C12orf54: variants seen among roughly 807,000 people sequenced by gnomAD.
C12orf54 encodes uncharacterized protein C12orf54.
A neutral mutation model predicts 26.4 loss-of-function variants in C12orf54; 24 were observed. The observed-to-expected ratio is 0.91, with a 90% CI of 0.66 to 1.28. C12orf54 has a LOEUF of 1.28. Among genes scored for constraint, C12orf54 ranks in the 50% most tolerant of loss-of-function variants. The probability of loss-of-function intolerance (pLI) is 0.00; values close to 1 mark genes in which losing one functional copy is unlikely to be tolerated. For synonymous variants in C12orf54, 54 were observed against 47.0 expected (o/e 1.15, Z -0.61); for missense variants, 154 against 150.9 (o/e 1.02, Z -0.11).
the C12orf54 span, among the ~76,000 whole-genome samples, chr12:48,453,751 A>T: frequency 2.6e-5 from 4 of 151,220 alleles, no homozygotes; most frequent in Middle Eastern, 6.8e-3. Flanking sequence ...TGCCTGTATC[A>T]AACACACACA....
At chr12:48,490,165 C>G (rs771134058) in intron 5 of C12orf54, among the ~76,000 whole-genome samples, 3 of 152,168 alleles carry the variant, frequency 2.0e-5, no homozygotes, top group Non-Finnish European at 1.5e-5. Context: ...GATGTGAGGC[C>G]TTGGTATGAA....
chr12:48,477,858 A>G (rs1248641494), upstream of C12orf54, among the ~76,000 whole-genome samples: 2 of 152,212 alleles, frequency 1.3e-5, no homozygotes, highest in African/African-American at 4.8e-5. Context: ...AACTATTCCA[A>G]TCAATAGAAA....
the C12orf54 span, among the ~76,000 whole-genome samples, chr12:48,476,313 C>T: frequency 6.6e-6 from 1 of 151,846 alleles, no homozygotes; most frequent in Non-Finnish European, 1.5e-5. Context: ...AAAGACCATC[C>T]AGGCTAGGAA....
the C12orf54 span, among the ~76,000 whole-genome samples, chr12:48,431,457 T>G: frequency 6.6e-6 from 1 of 152,200 alleles, no homozygotes; most frequent in African/African-American, 2.4e-5. Flanking sequence ...ATTTAAAAAT[T>G]ATAAGAGAAT....
At chr12:48,489,760 C>A (rs1444414279) in intron 5 of C12orf54, among the ~76,000 whole-genome samples, 4 of 147,616 alleles carry the variant, frequency 2.7e-5, no homozygotes, top group African/African-American at 1.0e-4. Flanking sequence ...CTTGTTCTGT[C>A]ACCCAGGCTA....
chr12:48,488,139 C>T (rs1393995700), intron 4 of C12orf54: 4 of 780,704 alleles, frequency 5.1e-6, no homozygotes, highest in Non-Finnish European at 7.1e-6. Context: ...TGCCTGGAGA[C>T]ATTTCTACTG....
At chr12:48,489,011 C>T (rs1392006542) in intron 5 of C12orf54, 55 bp downstream of exon 5, 1 of 1,551,144 alleles carries the variant, frequency 6.4e-7, no homozygotes, top group Admixed American at 1.7e-5. Context: ...TGCCTTGATC[C>T]CATTTTTTTT....
the C12orf54 span, among the ~76,000 whole-genome samples, chr12:48,413,215 T>A: frequency 6.6e-6 from 1 of 152,394 alleles, no homozygotes; most frequent in South Asian, 2.1e-4. Flanking sequence ...ATAAGGAATA[T>A]GCACCTCTTT....
At chr12:48,488,840 T>C (rs1592201882) in intron 4 of C12orf54, 84 bp from the exon 5 acceptor site, 1 of 1,187,514 alleles carries the variant, frequency 8.4e-7, no homozygotes, top group African/African-American at 1.5e-5. Flanking sequence ...GGAGACTAGG[T>C]AACTTAATTT....
At chr12:48,440,044 G>T in the C12orf54 span, among the ~76,000 whole-genome samples, 1 of 152,090 alleles carries the variant, frequency 6.6e-6, no homozygotes, top group East Asian at 1.9e-4. Flanking sequence ...GGCCAACATG[G>T]CGAAACCCTG....
the C12orf54 span, among the ~76,000 whole-genome samples, chr12:48,425,108 G>T: frequency 2.6e-5 from 4 of 152,084 alleles, no homozygotes; most frequent in South Asian, 6.2e-4. Flanking sequence ...AGGTTCAGGG[G>T]TACATGTGCA....
chr12:48,473,785 G>A, the C12orf54 span, among the ~76,000 whole-genome samples: 2 of 152,150 alleles, frequency 1.3e-5, no homozygotes, highest in Non-Finnish European at 2.9e-5. Flanking sequence ...GAAGTCCGCG[G>A]CTGGTCTCAG....
intron 8 of C12orf54, 77 bp downstream of exon 8, chr12:48,495,056 C>T (rs372646829): frequency 3.6e-6 from 4 of 1,126,138 alleles, no homozygotes; most frequent in Non-Finnish European, 5.1e-6. Flanking sequence ...GCCTCTTAGG[C>T]CCTCATCCCA....
chr12:48,422,898 T>C, the C12orf54 span, among the ~76,000 whole-genome samples: 1 of 152,144 alleles, frequency 6.6e-6, no homozygotes, highest in Non-Finnish European at 1.5e-5. Context: ...AGTTAAAGCA[T>C]TCTGGGAAGA....
chr12:48,483,572 G>T, intron 2 of C12orf54: 2 of 510,636 alleles, frequency 3.9e-6, no homozygotes, highest in Non-Finnish European at 7.0e-6. Flanking sequence ...TAGAAATCAG[G>T]CATCAATTGC....
the C12orf54 span, among the ~76,000 whole-genome samples, chr12:48,415,126 C>T: frequency 6.6e-6 from 1 of 152,214 alleles, no homozygotes; most frequent in Non-Finnish European, 1.5e-5. Flanking sequence ...GTTTGTTTGC[C>T]TCCATCCTAG....
chr12:48,417,938 T>C, the C12orf54 span, among the ~76,000 whole-genome samples: 1 of 152,252 alleles, frequency 6.6e-6, no homozygotes, highest in Non-Finnish European at 1.5e-5. Context: ...GGCTGCACAG[T>C]ATTCCATGGT....
chr12:48,447,112 A>T, the C12orf54 span, among the ~76,000 whole-genome samples: 1 of 152,196 alleles, frequency 6.6e-6, no homozygotes, highest in Non-Finnish European at 1.5e-5. Flanking sequence ...TAATTTGAAG[A>T]TATCACTACA....
chr12:48,437,997 G>A, the C12orf54 span, among the ~76,000 whole-genome samples: 3 of 152,196 alleles, frequency 2.0e-5, no homozygotes, highest in African/African-American at 7.2e-5. Flanking sequence ...TGTATACCTA[G>A]AAAACCCCAT....
Sources: gnomAD v4.1 joint callset for allele counts (sites outside exome capture counted in the v4.1 genomes callset) on GRCh38, gnomAD v4.1.1 for gene constraint, MANE v1.5 for transcripts, NCBI Gene and HGNC (gene_info 2026-07-23, HGNC 2026-07-21) for gene names.